Variants in USPL1 observed in about 807,000 individuals in gnomAD.
The protein encoded by USPL1 is SUMO-specific isopeptidase USPL1.
Under a neutral mutation model 51.5 loss-of-function variants are expected in USPL1, and 27 were observed. That is an observed-to-expected ratio of 0.52 (90% CI 0.39 to 0.72). The LOEUF (loss-of-function observed/expected upper bound fraction) is 0.72, where lower values mean the gene tolerates loss of function less well. Ranked by LOEUF, USPL1 falls within the 30% of genes least tolerant of loss-of-function variation. USPL1 has a pLI of 0.00. For synonymous variants in USPL1, 451 were observed against 459.6 expected, an observed-to-expected ratio of 0.98 and a Z score of 0.24; for missense variants, 1,226 against 1,268.0, an observed-to-expected ratio of 0.97 and a Z score of 0.50.
chr13:30,635,637 A>G (rs1052904992), intron 4 of USPL1, among the ~76,000 whole-genome samples: 9 of 152,332 alleles, frequency 5.9e-5, no homozygotes, highest in South Asian at 2.1e-4. Flanking sequence ...TTTTGGGGAC[A>G]GATGTGACAT....
In USPL1 at chr13:30,631,259, G is replaced by C. The variant is rs143407777; in HGVS notation, c.653G>C (p.Cys218Ser). Residue 218 changes from cysteine to serine, a missense_variant, in exon 4 of 9, where the codon TGT becomes TCT. Physicochemically the swap from Cys to Ser is moderately radical, Grantham distance 112. Transcript: ENST00000255304. ...SKLEMPLESK[C>S]TSFPQALCVQ... ...CTGGAAATGCCACTGGAGAGCAAAT[G>C]TACATCATTTCCCCAGGCTTTATGT... 4.3e-6 allele frequency: 7 copies of C among 1,614,170 alleles called. No individual in the cohort carries two copies. Among genetic ancestry groups the C allele is most frequent in the Non-Finnish European group, 5.9e-6 (7 of 1,180,038 alleles).
intron 7 of USPL1, among the ~76,000 whole-genome samples, chr13:30,648,964 C>T (rs191055873): frequency 6.6e-6 from 1 of 152,144 alleles, no homozygotes; most frequent in African/African-American, 2.4e-5. Flanking sequence ...GCTGTTCATA[C>T]CTGCTTTTTC....
At chr13:30,657,077 C>T (rs1397959199) in intron 8 of USPL1, among the ~76,000 whole-genome samples, 1 of 152,178 alleles carries the variant, frequency 6.6e-6, no homozygotes, top group Non-Finnish European at 1.5e-5. Context: ...GTGCATCCTA[C>T]TGCTAGTTTT....
intron 6 of USPL1, among the ~76,000 whole-genome samples, chr13:30,644,182 C>G (rs1950986879): frequency 6.6e-6 from 1 of 151,770 alleles, no homozygotes; most frequent in South Asian, 2.1e-4. Flanking sequence ...ACTCGGGAGG[C>G]TGAGGCAGGA....
In USPL1 at chr13:30,653,237, A is replaced by G. The variant is rs1951114700; in HGVS notation, c.1328A>G (p.Tyr443Cys). 4 of 1,612,968 alleles carry G rather than the reference A, an allele frequency of 2.5e-6. No homozygotes were observed. The South Asian group carries it at 3.3e-5, about 13-fold the overall frequency. Residue 443 changes from tyrosine (Y) to cysteine (C), a missense_variant, in exon 8 of 9, where the codon TAT (tyrosine) becomes TGT (cysteine). Coordinates refer to ENST00000255304, the MANE Select transcript of USPL1 (RefSeq NM_005800.5). ...GCATTTCATTTTGAAGGCTGTCTTT[A>G]TCAGATAACTTCTGTAATTCAGTAT... ...HYAFHFEGCL[Y>C]QITSVIQYRA...
chr13:30,633,808 A>AG (rs1950839661), intron 4 of USPL1, among the ~76,000 whole-genome samples: 1 of 150,752 alleles, frequency 6.6e-6, no homozygotes, highest in East Asian at 1.9e-4. Context: ...AAAAAAAAAA[A>AG]GTAAAGTAAA....
chr13:30,618,238 A>G (rs1462905798), intron 1 of USPL1, among the ~76,000 whole-genome samples, 182 bp downstream of exon 1: 2 of 152,170 alleles, frequency 1.3e-5, no homozygotes, highest in Non-Finnish European at 2.9e-5. Context: ...GGGCGCAGAG[A>G]GGTGAACGCT....
At chr13:30,637,572 A>G (rs897472547) in intron 4 of USPL1, among the ~76,000 whole-genome samples, 172 bp from the exon 5 acceptor site, 3 of 152,248 alleles carry the variant, frequency 2.0e-5, no homozygotes, top group Admixed American at 6.5e-5. Flanking sequence ...GATAGCATAT[A>G]TTAAGGGAAT....
chr13:30,637,592 A>C (rs1950892806), intron 4 of USPL1, 152 bp from the exon 5 acceptor site: 2 of 607,394 alleles, frequency 3.3e-6, no homozygotes, highest in Non-Finnish European at 5.8e-6. Context: ...TATATGGTAT[A>C]CCACAGAGAA....
intron 8 of USPL1, among the ~76,000 whole-genome samples, chr13:30,655,620 C>T (rs985472437): frequency 6.6e-6 from 1 of 151,982 alleles, no homozygotes; most frequent in Non-Finnish European, 1.5e-5. Context: ...GATAGATGTA[C>T]TTGTATAAGG....
chr13:30,627,864 A>G (rs577863359), intron 3 of USPL1, among the ~76,000 whole-genome samples: 2 of 151,460 alleles, frequency 1.3e-5, no homozygotes, highest in Non-Finnish European at 3.0e-5. Flanking sequence ...TCTGGCAACC[A>G]TTCTAGTTTC....
intron 6 of USPL1, among the ~76,000 whole-genome samples, chr13:30,645,397 G>A (rs1285239020): frequency 2.6e-5 from 4 of 152,200 alleles, no homozygotes; most frequent in African/African-American, 7.2e-5. Context: ...TCTTTGGGCT[G>A]CTTAACGTTA....
rs977152845 is a variant in USPL1, at chr13:30,657,912, C to G, written c.1835C>G (p.Pro612Arg). The G allele has an allele frequency of 1.9e-6, 3 of 1,613,838 alleles. No individual in the cohort carries two copies. Among genetic ancestry groups the G allele is most frequent in the Admixed American group, 3.3e-5 (2 of 59,998 alleles). ...GAAGCTTTCCTGTTAGAAAATAAAC[C>G]TGTAGCAGAAAATACAGGAATTCTC... ...NSEAFLLENKPVAENTGILKT... is the reference protein window; with the variant it reads ...NSEAFLLENKRVAENTGILKT... Residue 612 changes from proline to arginine, a missense_variant, in exon 9 of 9, where the codon CCT becomes CGT. Pro to Arg is a moderately radical substitution (Grantham distance 103, BLOSUM62 -2). Transcript: ENST00000255304.
Position 30,621,206 on chromosome 13 carries a change from A to G in USPL1, c.66A>G (p.Ile22Met), listed in dbSNP as rs534299881. 9 of 1,602,920 alleles carry G rather than the reference A, an allele frequency of 5.6e-6. No individual in the cohort carries two copies. In the East Asian group the frequency reaches 1.8e-4, roughly 32 times the overall value. ...TTGGACCAGGGACTGATATAGGGAT[A>G]TCTTCACTCCACATGGTGGGGTATT... is the stretch of plus-strand genomic sequence containing the variant. ...PVIGPGTDIG[I>M]SSLHMVGYLG... The change falls in exon 2 of 9, where the codon ATA (isoleucine) becomes ATG (methionine). Residue 22 changes from isoleucine to methionine, a missense_variant. Ile to Met is a conservative substitution (Grantham distance 10). Transcript: ENST00000255304.
intron 4 of USPL1, among the ~76,000 whole-genome samples, chr13:30,634,207 G>A (rs938809574): frequency 3.9e-5 from 6 of 152,150 alleles, no homozygotes; most frequent in East Asian, 1.9e-4. Flanking sequence ...GCAATAGATC[G>A]CATCACCAAG....
chr13:30,652,089 T>C (rs772231641), intron 7 of USPL1, among the ~76,000 whole-genome samples: 3 of 152,240 alleles, frequency 2.0e-5, no homozygotes, highest in Non-Finnish European at 4.4e-5. Context: ...GAAATGGTAA[T>C]ATGTGAAATT....
chr13:30,648,043 A>G (rs1233249053), intron 7 of USPL1, among the ~76,000 whole-genome samples: 1 of 152,162 alleles, frequency 6.6e-6, no homozygotes, highest in African/African-American at 2.4e-5. Context: ...TCTCACACCA[A>G]CACCTGGGCC....
At position 30,659,308 on chromosome 13, in the gene USPL1, CACATT is replaced by C; in HGVS notation, c.3233_3237del (p.Thr1078ArgfsTer7). On this transcript the variant is annotated frameshift_variant, in exon 9 of 9. Transcript: ENST00000255304. LOFTEE classifies it high-confidence loss of function. ...CAGCATTAAATGCTTTAGCAAATGA[CACATT>C]AGACCTACCTCATTTCGATGAATAT... 1 of 1,610,050 alleles carries C rather than the reference CACATT, an allele frequency of 6.2e-7. No homozygotes were observed. Among genetic ancestry groups the C allele is most frequent in the Non-Finnish European group, 8.5e-7 (1 of 1,177,242 alleles).
At chr13:30,643,992 T>C (rs1363026950) in intron 6 of USPL1, among the ~76,000 whole-genome samples, 2 of 151,992 alleles carry the variant, frequency 1.3e-5, no homozygotes, top group Non-Finnish European at 2.9e-5. Context: ...GATAAAAATA[T>C]TACTTTTGAA....
Sources: allele counts gnomAD v4.1 joint callset (sites outside exome capture counted in the v4.1 genomes callset), GRCh38; gene constraint gnomAD v4.1.1; transcripts MANE v1.5; gene names NCBI Gene and HGNC (gene_info 2026-07-23, HGNC 2026-07-21).